TM2D2: variants seen among roughly 807,000 people sequenced by gnomAD.
The protein encoded by TM2D2 is TM2 domain-containing protein 2.
TM2D2 carries 19 observed loss-of-function variants against 23.0 expected under a neutral mutation model. That is an observed-to-expected ratio of 0.82 (90% CI 0.58 to 1.21). The LOEUF (loss-of-function observed/expected upper bound fraction) is 1.21, where lower values mean the gene tolerates loss of function less well. Ranked by LOEUF, TM2D2 falls within the 50% of genes most tolerant of loss-of-function variation. The pLI, the probability that TM2D2 is intolerant of heterozygous loss-of-function variation, is 0.00. For missense variants in TM2D2, 246 were observed against 265.4 expected, an observed-to-expected ratio of 0.93 and a Z score of 0.51; for synonymous variants, 120 against 108.8, an observed-to-expected ratio of 1.10 and a Z score of -0.64.
In TM2D2 at chr8:38,991,281, T is replaced by A. The variant is rs1835590537; in HGVS notation, c.*51A>T. On this transcript the variant is annotated 3_prime_UTR_variant, in exon 4 of 4. Transcript: ENST00000456397. ...GAGTTTTGAGCCTGTAGAGATGAAT[T>A]CAGAAGACGGAGCTTTCACCCGCCT... 1 of 1,458,452 alleles carries A rather than the reference T, an allele frequency of 6.9e-7. No homozygotes were observed. The highest frequency in any genetic ancestry group is 9.5e-7 in the Non-Finnish European group (1 of 1,050,856). 90.3% of individuals were successfully genotyped at this position (1,458,452 alleles called of 1,614,324 possible).
rs1161604091 is a variant in TM2D2 at position 38,991,278 on chromosome 8, A to T, written c.*54T>A. On this transcript the variant is annotated 3_prime_UTR_variant, in exon 4 of 4. Coordinates refer to ENST00000456397, the MANE Select transcript of TM2D2 (RefSeq NM_078473.3). Reference sequence around the variant, plus strand: ...GAGGAGTTTTGAGCCTGTAGAGATGAATTCAGAAGACGGAGCTTTCACCCG... The same window carrying T: ...GAGGAGTTTTGAGCCTGTAGAGATGTATTCAGAAGACGGAGCTTTCACCCG... 7.0e-7 allele frequency: 1 copy of T among 1,430,084 alleles called. No individual in the cohort carries two copies. The highest frequency in any genetic ancestry group is 1.4e-5 in the African/African-American group (1 of 70,696). The allele number at this position is 1,430,084 out of a possible 1,614,324, so 88.6% of individuals were successfully genotyped here.
intron 3 of TM2D2, among the ~76,000 whole-genome samples, chr8:38,992,292 CCT>C (rs1406073798): frequency 1.6e-5 from 2 of 123,364 alleles, no homozygotes; most frequent in East Asian, 2.3e-4. Context: ...ATAGCGAGAC[CCT>C]GTTTCTACCA....
chr8:38,996,329 A>G lies in TM2D2; in HGVS notation c.111T>C (p.Asn37=), dbSNP rs373355777. 6.2e-7 allele frequency: 1 copy of G among 1,614,146 alleles called. No individual in the cohort carries two copies. The highest frequency in any genetic ancestry group is 8.5e-7 in the Non-Finnish European group (1 of 1,180,028). The part of the protein sequence containing the change: ...LHCVSRSHSQ[N]ATAEPELTSA... Reference sequence around the variant, plus strand: ...ATGTGAGCTCAGGCTCAGCGGTCGCATTTTGCGAGTGGCTCCGAGACACAC... The same window carrying G: ...ATGTGAGCTCAGGCTCAGCGGTCGCGTTTTGCGAGTGGCTCCGAGACACAC... The change falls in exon 1 of 4, where the codon AAT becomes AAC. Residue 37 remains asparagine, a synonymous_variant. Coordinates refer to ENST00000456397, the MANE Select transcript of TM2D2 (RefSeq NM_078473.3).
chr8:38,996,089 G>T, intron 1 of TM2D2, 124 bp downstream of exon 1: 1 of 1,178,826 alleles, frequency 8.5e-7, no homozygotes. Flanking sequence ...ATTTGCCTCC[G>T]GAACGACCTC....
rs1241057835 is a variant in TM2D2 at position 38,988,826 on chromosome 8, A to G, written c.*2506T>C. ...CAGGAAATCTGGGGGAACTGATAAC[A>G]TTTTATTAAAGGCAAGAAACAACTA... On this transcript the variant is annotated 3_prime_UTR_variant, in exon 4 of 4. Coordinates refer to ENST00000456397, the MANE Select transcript of TM2D2 (RefSeq NM_078473.3). 1 of 152,234 alleles carries G rather than the reference A, an allele frequency of 6.6e-6. No individual in the cohort carries two copies. Among genetic ancestry groups the G allele is most frequent in the Non-Finnish European group, 1.5e-5 (1 of 68,052 alleles). 9.4% of individuals were successfully genotyped at this position (152,234 alleles called of 1,614,324 possible). A position where few individuals can be genotyped will look rare whatever the true frequency, so the allele number is the denominator to read the frequency against.
intron 3 of TM2D2, among the ~76,000 whole-genome samples, chr8:38,992,692 T>C (rs1326591124): frequency 1.3e-5 from 2 of 152,038 alleles, no homozygotes; most frequent in Non-Finnish European, 2.9e-5. Flanking sequence ...ATGGTAGGAG[T>C]AGGAGTCTGG....
At position 38,989,951 on chromosome 8, in the gene TM2D2, G is replaced by C. The variant is rs1394007056; in HGVS notation, c.*1381C>G. On this transcript the variant is annotated 3_prime_UTR_variant, in exon 4 of 4. Transcript: ENST00000456397. ...TGGGGAGAGGGTCTAGTTTCTTCATGACCCATAAAAATTTAATAAATACTA... is the reference window on the plus strand; with the variant it reads ...TGGGGAGAGGGTCTAGTTTCTTCATCACCCATAAAAATTTAATAAATACTA... 1 of 152,020 alleles carries C rather than the reference G, an allele frequency of 6.6e-6. No individual in the cohort carries two copies. Among genetic ancestry groups the C allele is most frequent in the Non-Finnish European group, 1.5e-5 (1 of 68,008 alleles). 9.4% of individuals were successfully genotyped at this position (152,020 alleles called of 1,614,324 possible).
intron 3 of TM2D2, among the ~76,000 whole-genome samples, chr8:38,992,232 A>G (rs1263355326): frequency 6.7e-6 from 1 of 149,090 alleles, no homozygotes; most frequent in Non-Finnish European, 1.5e-5. Context: ...TTGGGAGGCC[A>G]AGATGAGAGG....
chr8:38,993,397 G>C (rs561440379), intron 3 of TM2D2, 148 bp downstream of exon 3: 2 of 495,034 alleles, frequency 4.0e-6, no homozygotes, highest in Admixed American at 3.4e-5. Context: ...TCCAGGCTGC[G>C]ATAAGCCATG....
At chr8:38,996,858 G>T, upstream of TM2D2, 3 of 1,458,284 alleles carry the variant, frequency 2.1e-6, no homozygotes, top group Non-Finnish European at 2.7e-6. Context: ...TTTTCCCTAC[G>T]TCAGCGCAGC....
At chr8:38,994,832 C>T (rs1835706261) in intron 2 of TM2D2, among the ~76,000 whole-genome samples, 1 of 151,330 alleles carries the variant, frequency 6.6e-6, no homozygotes, top group African/African-American at 2.5e-5. Context: ...TAATGTCCTA[C>T]AAAGACATAT....
intron 2 of TM2D2, among the ~76,000 whole-genome samples, chr8:38,994,731 A>G (rs1333367795): frequency 6.6e-6 from 1 of 152,176 alleles, no homozygotes; most frequent in East Asian, 1.9e-4. Context: ...GGAACTGTAC[A>G]CTCAGCTTTA....
At chr8:38,995,843 C>T in intron 1 of TM2D2, 1 of 1,162,774 alleles carries the variant, frequency 8.6e-7, no homozygotes, top group African/African-American at 1.6e-5. Context: ...GCCTTGTAGG[C>T]AGAGACAAGT....
chr8:38,991,647 C>G (rs1835604934), intron 3 of TM2D2, 102 bp from the exon 4 acceptor site: 1 of 871,984 alleles, frequency 1.1e-6, no homozygotes, highest in Non-Finnish European at 1.8e-6. Flanking sequence ...GCAGTGGACC[C>G]TCTGTGGCCT....
At chr8:38,996,652 C>T (rs1835813394), upstream of TM2D2, 1 of 1,430,344 alleles carries the variant, frequency 7.0e-7, no homozygotes, top group Non-Finnish European at 9.1e-7. Flanking sequence ...CCCTCTGCTT[C>T]TGCTTCTCGA....
rs752375338 is a variant in TM2D2 at position 38,993,564 on chromosome 8, C to T, written c.412G>A (p.Glu138Lys). 1.9e-6 allele frequency: 3 copies of T among 1,613,178 alleles called. No individual in the cohort carries two copies. Among genetic ancestry groups the T allele is most frequent in the Non-Finnish European group, 2.5e-6 (3 of 1,179,422 alleles). The change falls in exon 3 of 4, where the codon GAA becomes AAA. Residue 138 changes from glutamate to lysine, a missense_variant. Transcript: ENST00000456397. ...ECASPRTFLRENKPCIKYTGH... is the reference protein window; with the variant it reads ...ECASPRTFLRKNKPCIKYTGH... ...ACTTACTTTATACAAGGTTTATTTT[C>T]TCGTAGAAAGGTCCTAGGACTGGCA... is the stretch of plus-strand genomic sequence containing the variant.
At position 38,991,024 on chromosome 8, in the gene TM2D2, T is replaced by C. The variant is rs1368347673; in HGVS notation, c.*308A>G. 19 of 385,726 alleles carry C rather than the reference T, an allele frequency of 4.9e-5. No individual in the cohort carries two copies. The highest frequency in any genetic ancestry group is 4.2e-4 in the South Asian group (15 of 35,470). 23.9% of individuals were successfully genotyped at this position (385,726 alleles called of 1,614,324 possible). ...CTCCAAAGGACTGAAGATATAGCAA[T>C]GTACAGAAAGGAAGACTATGGAAAC... On this transcript the variant is annotated 3_prime_UTR_variant, in exon 4 of 4. Transcript: ENST00000456397.
At chr8:38,991,961 T>C (rs776186465) in intron 3 of TM2D2, among the ~76,000 whole-genome samples, 1 of 152,102 alleles carries the variant, frequency 6.6e-6, no homozygotes, top group African/African-American at 2.4e-5. Context: ...GCCTGGCACT[T>C]GGACCTGAGA....
chr8:38,996,801 T>G, upstream of TM2D2: 4 of 1,428,330 alleles, frequency 2.8e-6, no homozygotes, highest in Non-Finnish European at 3.7e-6. Context: ...CTAGTGCTGG[T>G]TGCCACCGCC....
Sources: gnomAD v4.1 joint callset for allele counts (sites outside exome capture counted in the v4.1 genomes callset) on GRCh38, gnomAD v4.1.1 for gene constraint, MANE v1.5 for transcripts, NCBI Gene and HGNC (gene_info 2026-07-23, HGNC 2026-07-21) for gene names.